The following TBCD variants were observed in gnomAD, a reference collection of about 807,000 sequenced individuals.
The protein encoded by TBCD is tubulin-specific chaperone D.
Under a neutral mutation model 169.3 loss-of-function variants are expected in TBCD, and 105 were observed. That is an observed-to-expected ratio of 0.62 (90% CI 0.53 to 0.73). The LOEUF (loss-of-function observed/expected upper bound fraction) is 0.73, where lower values mean the gene tolerates loss of function less well. Among genes scored for constraint, TBCD ranks in the 30% least tolerant of loss-of-function variants. The pLI, the probability that TBCD is intolerant of heterozygous loss-of-function variation, is 0.00. For synonymous variants in TBCD, 700 were observed against 643.9 expected (o/e 1.09, Z -1.32); for missense variants, 1,444 against 1,600.1 (o/e 0.90, Z 1.66).
chr17:82,805,051 C>G (rs778190321), intron 9 of TBCD, among the ~76,000 whole-genome samples: 1 of 152,216 alleles, frequency 6.6e-6, no homozygotes, highest in Non-Finnish European at 1.5e-5. Flanking sequence ...TGCATGAGAC[C>G]GGGGAAGCAG....
At chr17:82,871,276 G>C (rs76046987) in intron 14 of TBCD, among the ~76,000 whole-genome samples, 1 of 152,172 alleles carries the variant, frequency 6.6e-6, no homozygotes, top group African/African-American at 2.4e-5. Context: ...CAATTCAACC[G>C]TGTGCGCTGG....
intron 13 of TBCD, among the ~76,000 whole-genome samples, chr17:82,837,329 C>T (rs944545785): frequency 5.3e-5 from 8 of 152,086 alleles, no homozygotes; most frequent in Non-Finnish European, 1.0e-4. Context: ...TCTACCAGCC[C>T]GACTTTGTAC....
In TBCD at chr17:82,796,524, C is replaced by T. The variant is rs1001022005; in HGVS notation, c.772-1233C>T. 2.0e-5 allele frequency among the ~76,000 whole-genome samples: 3 copies of T among 152,326 alleles called. No homozygotes were observed. In the East Asian group the frequency reaches 5.8e-4, roughly 29 times the overall value. ...TTGGTGAATGTGTTATTCTGAGTGG[C>T]TCAGGGAGGTGGGTGCTGCCACTGC... On this transcript the variant is annotated intron_variant, in intron 7 of 38. Transcript: ENST00000355528.
At chr17:82,862,432 G>C (rs1407803567) in intron 13 of TBCD, among the ~76,000 whole-genome samples, 1 of 151,912 alleles carries the variant, frequency 6.6e-6, no homozygotes, top group East Asian at 1.9e-4. Context: ...CCAGCCTGGG[G>C]GTCCTTGGCC....
chr17:82,851,284 TTAAAAA>T (rs1419402912), intron 13 of TBCD, among the ~76,000 whole-genome samples: 3 of 152,222 alleles, frequency 2.0e-5, no homozygotes, highest in Middle Eastern at 3.4e-3. Flanking sequence ...TTAAAAAAGT[TTAAAAA>T]TAAAAATAAA....
intron 14 of TBCD, among the ~76,000 whole-genome samples, chr17:82,877,151 G>C (rs2058034280): frequency 6.6e-6 from 1 of 152,200 alleles, no homozygotes; most frequent in Non-Finnish European, 1.5e-5. Context: ...AATAAAGATA[G>C]AAGCCTGTGT....
At chr17:82,925,337 C>T (rs546856766) in intron 27 of TBCD, among the ~76,000 whole-genome samples, 1 of 152,318 alleles carries the variant, frequency 6.6e-6, no homozygotes, top group Non-Finnish European at 1.5e-5. Flanking sequence ...GAAGCAGCTG[C>T]CGAGAGTGAG....
intron 28 of TBCD, 38 bp downstream of exon 28, chr17:82,926,529 C>A (rs750738584): frequency 1.3e-6 from 2 of 1,575,804 alleles, no homozygotes; most frequent in Non-Finnish European, 8.7e-7. Context: ...TCGTAAGTCT[C>A]TGAAAGGCCA....
At chr17:82,849,969 TGTGCTGCTGTTGGCTGTGC>T (rs1395053334) in intron 13 of TBCD, among the ~76,000 whole-genome samples, 9 of 150,868 alleles carry the variant, frequency 6.0e-5, no homozygotes, top group African/African-American at 2.2e-4. Flanking sequence ...TGCTGTTGGC[TGTGCTGCTGTTGGCTGTGC>T]TGCTGTTGGC....
At chr17:82,756,798 A>G (rs1407697022) in intron 2 of TBCD, among the ~76,000 whole-genome samples, 1 of 152,090 alleles carries the variant, frequency 6.6e-6, no homozygotes, top group Non-Finnish European at 1.5e-5. Flanking sequence ...TTTTTAGTTT[A>G]CATTAGTTTA....
In TBCD at chr17:82,831,331, A is replaced by T. The variant is rs745802053; in HGVS notation, c.1318+16397A>T. On this transcript the variant is annotated intron_variant, in intron 13 of 38. Coordinates refer to ENST00000355528, the MANE Select transcript of TBCD (RefSeq NM_005993.5). The surrounding 1 kb of genome is among the most constrained non-coding windows in gnomAD (Gnocchi z 4.6). ...CTCAGGAATTGGACTTTCGAACTCG[A>T]CGTGTTTTCTGTTGGGGTCCGAAGG... The T allele has an allele frequency of 1.3e-5, 21 of 1,613,704 alleles. No homozygotes were observed. The highest frequency in any genetic ancestry group is 1.6e-5 in the Non-Finnish European group (19 of 1,179,986).
At chr17:82,933,271 G>GCCT (rs1307513773) in intron 34 of TBCD, among the ~76,000 whole-genome samples, 1,179 of 81,538 alleles carry the variant, frequency 0.014, 11 homozygotes, top group South Asian at 0.077. Flanking sequence ...TGTTGGGCCA[G>GCCT]TCTTTTTTTT....
At chr17:82,939,213 G>A in intron 36 of TBCD, 154 bp from the exon 37 acceptor site, 4 of 675,200 alleles carry the variant, frequency 5.9e-6, no homozygotes. Flanking sequence ...CCTCCTCTTG[G>A]TTGCAGCCCT....
chr17:82,892,491 TG>T (rs1433204152), intron 16 of TBCD, among the ~76,000 whole-genome samples: 2 of 152,172 alleles, frequency 1.3e-5, no homozygotes, highest in Non-Finnish European at 2.9e-5. Context: ...AGAGATTTGC[TG>T]GAAGAAAGCC....
intron 12 of TBCD, among the ~76,000 whole-genome samples, chr17:82,812,717 G>A (rs1182030678): frequency 6.6e-6 from 1 of 152,176 alleles, no homozygotes; most frequent in South Asian, 2.1e-4. Flanking sequence ...CTAATTTTTT[G>A]TATTTAGTAG....
chr17:82,788,854 G>A (rs2049496508), intron 7 of TBCD, among the ~76,000 whole-genome samples: 1 of 152,220 alleles, frequency 6.6e-6, no homozygotes, highest in Non-Finnish European at 1.5e-5. Flanking sequence ...ACCTGGGAGG[G>A]AAGCAGCAGA....
chr17:82,839,832 C>G (rs1051738043), intron 13 of TBCD: 2 of 152,180 alleles, frequency 1.3e-5, no homozygotes, highest in African/African-American at 2.4e-5. Context: ...AGAGCAGACA[C>G]GGAGCAAACG....
chr17:82,811,178 G>A (rs1309979160), intron 12 of TBCD, among the ~76,000 whole-genome samples: 4 of 152,192 alleles, frequency 2.6e-5, no homozygotes, highest in African/African-American at 9.7e-5. Flanking sequence ...ATGTCCTCCT[G>A]TCGCCTGGTG....
chr17:82,756,503 C>T (rs774587762), intron 2 of TBCD, among the ~76,000 whole-genome samples: 9 of 151,686 alleles, frequency 5.9e-5, no homozygotes, highest in Non-Finnish European at 8.8e-5. Flanking sequence ...TTTTTTGAGA[C>T]GGAGTCTCGC....
Sources: gnomAD v4.1 joint callset for allele counts (sites outside exome capture counted in the v4.1 genomes callset) on GRCh38, gnomAD v4.1.1 for gene constraint, Gnocchi (gnomAD v3.1) non-coding constraint, MANE v1.5 for transcripts, NCBI Gene and HGNC (gene_info 2026-07-23, HGNC 2026-07-21) for gene names.